Variants in TNFRSF8 observed in about 807,000 individuals in gnomAD.
TNFRSF8 encodes the protein tumor necrosis factor receptor superfamily member 8.
A neutral mutation model predicts 70.8 loss-of-function variants in TNFRSF8; 26 were observed. That is an observed-to-expected ratio of 0.37 (90% CI 0.27 to 0.51). The LOEUF (loss-of-function observed/expected upper bound fraction) is 0.51. Among genes scored for constraint, TNFRSF8 ranks in the 20% least tolerant of loss-of-function variants. TNFRSF8 has a pLI of 0.94. For synonymous variants in TNFRSF8, 356 were observed against 339.2 expected, an observed-to-expected ratio of 1.05 and a Z score of -0.54; for missense variants, 720 against 807.9, an observed-to-expected ratio of 0.89 and a Z score of 1.32.
At chr1:12,105,573 T>TCACACACA (rs34007480) in intron 4 of TNFRSF8, among the ~76,000 whole-genome samples, 1,543 of 147,446 alleles carry the variant, frequency 0.01, 14 homozygotes, top group Non-Finnish European at 0.014. Flanking sequence ...TCTCTCTGTC[T>TCACACACA]CACACACACA....
rs186100653 is a variant in TNFRSF8, at chr1:12,070,320, G to A, written c.63+6659G>A. ...GGCTGGAGTGCAGTGGTGTGATCTC[G>A]GCTCACTGCAAGCTTCGCCTCCCAG... On this transcript the variant is annotated intron_variant, in intron 1 of 14. Transcript: ENST00000263932. Among the ~76,000 whole-genome samples, 657 of 151,468 alleles carry A rather than the reference G, an allele frequency of 4.3e-3. 5 individuals are homozygous for A. The highest frequency in any genetic ancestry group is 3.0e-3 in the Non-Finnish European group (204 of 67,812).
Position 12,119,005 on chromosome 1 carries a change from C to T in TNFRSF8, c.946+3276C>T, listed in dbSNP as rs1254184088. On this transcript the variant is annotated intron_variant, in intron 8 of 14. Coordinates refer to ENST00000263932, the MANE Select transcript of TNFRSF8 (RefSeq NM_001243.5). The surrounding 1 kb of genome is among the most constrained non-coding windows in gnomAD (Gnocchi z 4.4). Reference sequence around the variant, plus strand: ...TCAGCCTCCTGAGTAGCTGGGATTACAGGCACGCGCCACCACGCCTGGCTA... The same window carrying T: ...TCAGCCTCCTGAGTAGCTGGGATTATAGGCACGCGCCACCACGCCTGGCTA... Among the ~76,000 whole-genome samples, 1 of 152,192 alleles carries T rather than the reference C, an allele frequency of 6.6e-6. No homozygotes were observed. Among genetic ancestry groups the T allele is most frequent in the African/African-American group, 2.4e-5 (1 of 41,436 alleles).
At chr1:12,071,806 A>G (rs1262689506) in intron 1 of TNFRSF8, among the ~76,000 whole-genome samples, 4 of 152,130 alleles carry the variant, frequency 2.6e-5, no homozygotes, top group African/African-American at 9.6e-5. Flanking sequence ...CAAGTGATCC[A>G]CCTGCCTTGG....
chr1:12,142,146 G>A lies in TNFRSF8; in HGVS notation c.1544-141G>A. The A allele has an allele frequency of 8.3e-7, 1 of 1,210,444 alleles. No homozygotes were observed. The highest frequency in any genetic ancestry group is 1.1e-6 in the Non-Finnish European group (1 of 882,978). The allele number at this position is 1,210,444 out of a possible 1,614,324, so 75.0% of individuals were successfully genotyped here. ...TCTGAGCCCCCAGGATGCCTGTAAG[G>A]TACATCAGAGAGGCTGTGCCATCAG... is the stretch of plus-strand genomic sequence containing the variant. On this transcript the variant is annotated intron_variant, in intron 14 of 14. Coordinates refer to ENST00000263932, the MANE Select transcript of TNFRSF8 (RefSeq NM_001243.5). The surrounding 1 kb of genome is among the most constrained non-coding windows in gnomAD (Gnocchi z 5.0).
intron 10 of TNFRSF8, among the ~76,000 whole-genome samples, chr1:12,125,258 G>A (rs1009022327): frequency 1.5e-4 from 23 of 152,200 alleles, no homozygotes; most frequent in African/African-American, 5.5e-4. Flanking sequence ...GTTTAGTACC[G>A]AGGTGTGAAG....
Position 12,142,223 on chromosome 1 carries a change from C to G in TNFRSF8, c.1544-64C>G. On this transcript the variant is annotated intron_variant, in intron 14 of 14. Coordinates refer to ENST00000263932, the MANE Select transcript of TNFRSF8 (RefSeq NM_001243.5). The surrounding 1 kb of genome is among the most constrained non-coding windows in gnomAD (Gnocchi z 5.0). The stretch of plus-strand genomic sequence containing the variant: ...GCACTGGGCCTCGGCCCTTCTCTGC[C>G]TCTTTGCTCCCATCCTGGCTGGTGC... 1 of 1,490,782 alleles carries G rather than the reference C, an allele frequency of 6.7e-7. No individual in the cohort carries two copies. The highest frequency in any genetic ancestry group is 9.0e-7 in the Non-Finnish European group (1 of 1,114,934). The allele number at this position is 1,490,782 out of a possible 1,614,324, so 92.3% of individuals were successfully genotyped here. A position where few individuals can be genotyped will look rare whatever the true frequency, so the allele number is the denominator to read the frequency against.
intron 1 of TNFRSF8, among the ~76,000 whole-genome samples, chr1:12,081,789 C>T (rs1266855740): frequency 1.3e-5 from 2 of 152,186 alleles, no homozygotes; most frequent in African/African-American, 4.8e-5. Context: ...TCAGGCAGCC[C>T]TTTAGGCCAG....
intron 2 of TNFRSF8, among the ~76,000 whole-genome samples, chr1:12,092,053 G>C (rs1047097097): frequency 2.0e-5 from 3 of 152,170 alleles, no homozygotes; most frequent in Non-Finnish European, 4.4e-5. Flanking sequence ...CTGGTCCCCG[G>C]CTGGGGACTG....
intron 14 of TNFRSF8, among the ~76,000 whole-genome samples, chr1:12,140,664 G>A (rs1273801678): frequency 1.3e-5 from 2 of 152,162 alleles, no homozygotes; most frequent in Non-Finnish European, 2.9e-5. Context: ...CTCACCCAGA[G>A]CAGCCAATTC....
intron 8 of TNFRSF8, among the ~76,000 whole-genome samples, 192 bp downstream of exon 8, chr1:12,115,921 G>A (rs1022909116): frequency 1.3e-5 from 2 of 152,148 alleles, no homozygotes; most frequent in African/African-American, 4.8e-5. Flanking sequence ...TCCAGTTTTA[G>A]CATTTTGGCA....
chr1:12,125,936 G>T lies in TNFRSF8; in HGVS notation c.1154-15G>T. 6.2e-7 allele frequency: 1 copy of T among 1,610,048 alleles called. No individual in the cohort carries two copies. The highest frequency in any genetic ancestry group is 2.2e-5 in the East Asian group (1 of 44,862). ...TGCAGCAAGGCAAAGAGTGTGGGGC[G>T]TCTCTGTGTTCCAGGGCCAGTGCTC... is the stretch of plus-strand genomic sequence containing the variant. On this transcript the variant is annotated splice_polypyrimidine_tract_variant and intron_variant, in intron 10 of 14. Coordinates refer to ENST00000263932, the MANE Select transcript of TNFRSF8 (RefSeq NM_001243.5).
intron 8 of TNFRSF8, among the ~76,000 whole-genome samples, chr1:12,121,912 CT>C (rs1456519287): frequency 6.6e-6 from 1 of 152,218 alleles, no homozygotes; most frequent in Non-Finnish European, 1.5e-5. Context: ...AGGAATGAAG[CT>C]GAATGAATAT....
chr1:12,107,804 C>T (rs149229167), intron 4 of TNFRSF8, among the ~76,000 whole-genome samples: 1 of 152,166 alleles, frequency 6.6e-6, no homozygotes, highest in African/African-American at 2.4e-5. Context: ...GTTTCTGCCT[C>T]CAGTCAGCCA....
At position 12,142,731 on chromosome 1, in the gene TNFRSF8, G is replaced by A. The variant is rs181501926; in HGVS notation, c.*200G>A. ...CAACTTAGCTGTCCCCTGACCCAGA[G>A]CCTAGGGGATCCGGGGCTTGTACAG... On this transcript the variant is annotated 3_prime_UTR_variant, in exon 15 of 15. Coordinates refer to ENST00000263932, the MANE Select transcript of TNFRSF8 (RefSeq NM_001243.5). The surrounding 1 kb of genome is among the most constrained non-coding windows in gnomAD (Gnocchi z 5.0). 4.2e-4 allele frequency: 277 copies of A among 666,622 alleles called. 2 individuals are homozygous for A. Among genetic ancestry groups the A allele is most frequent in the African/African-American group, 4.1e-3 (229 of 55,274 alleles). 41.3% of individuals were successfully genotyped at this position (666,622 alleles called of 1,614,324 possible).
At chr1:12,123,417 G>GGACAGCTCCCTCCTGC in intron 9 of TNFRSF8, 40 bp downstream of exon 9, 2 of 1,554,660 alleles carry the variant, frequency 1.3e-6, no homozygotes, top group Non-Finnish European at 1.7e-6. Flanking sequence ...GCTGCTGCAG[G>GGACAGCTCCCTCCTGC]AGGGAGCTGT....
chr1:12,109,976 G>A lies in TNFRSF8; in HGVS notation c.513-65G>A, dbSNP rs915957437. The A allele has an allele frequency of 1.9e-5, 29 of 1,564,568 alleles. No individual in the cohort carries two copies. In the Middle Eastern group the frequency reaches 8.2e-4, roughly 44 times the overall value. On this transcript the variant is annotated intron_variant, in intron 5 of 14. Coordinates refer to ENST00000263932, the MANE Select transcript of TNFRSF8 (RefSeq NM_001243.5). This position sits in a 1 kb window ranked among gnomAD's most constrained non-coding sequence, Gnocchi z 4.4. ...CCCATCTCTGTGGAAACTGTTACTC[G>A]TGAGCACAGGCCTCCCTTGCCCCAT...
Position 12,084,467 on chromosome 1 carries a change from C to T in TNFRSF8, c.67C>T (p.Arg23Ter), listed in dbSNP as rs868408646. ...LGALRAFPQD[R>*]PFEDTCHGNP... ...ACCAGCTTTTCTGACCTGCCAGGAT[C>T]GACCCTTCGAGGACACCTGTCATGG... The change falls in exon 2 of 15, where the codon CGA (arginine) becomes TGA (stop). Residue 23 changes from arginine (R) to a stop codon, truncating the protein, a stop_gained. Coordinates refer to ENST00000263932, the MANE Select transcript of TNFRSF8 (RefSeq NM_001243.5). LOFTEE classifies it high-confidence loss of function. The T allele has an allele frequency of 2.5e-6, 4 of 1,613,924 alleles. No homozygotes were observed. Among genetic ancestry groups the T allele is most frequent in the Non-Finnish European group, 2.5e-6 (3 of 1,179,946 alleles).
intron 12 of TNFRSF8, among the ~76,000 whole-genome samples, chr1:12,130,607 C>A (rs1280651160): frequency 6.6e-6 from 1 of 152,200 alleles, no homozygotes; most frequent in Non-Finnish European, 1.5e-5. Flanking sequence ...GGGGAGGGGA[C>A]TAAAAGTGGA....
At position 12,126,002 on chromosome 1, in the gene TNFRSF8, G is replaced by A; in HGVS notation, c.1205G>A (p.Ser402Asn). 1 of 1,613,928 alleles carries A rather than the reference G, an allele frequency of 6.2e-7. No individual in the cohort carries two copies. Among genetic ancestry groups the A allele is most frequent in the Middle Eastern group, 1.6e-4 (1 of 6,062 alleles). The change falls in exon 11 of 15, where the codon AGC becomes AAC. Residue 402 changes from serine to asparagine, a missense_variant. By Grantham distance (46) the Ser-to-Asn change is conservative. Coordinates refer to ENST00000263932, the MANE Select transcript of TNFRSF8 (RefSeq NM_001243.5). Reference sequence around the variant, plus strand: ...GTGTTGGTTGTGGTGGTCGGCTCCAGCGCCTTCCTCCTGTGCCACCGGAGG... The same window carrying A: ...GTGTTGGTTGTGGTGGTCGGCTCCAACGCCTTCCTCCTGTGCCACCGGAGG... ...ILVLVVVVGS[S>N]AFLLCHRRAC...
Sources: gnomAD v4.1 joint callset for allele counts (sites outside exome capture counted in the v4.1 genomes callset) on GRCh38, gnomAD v4.1.1 for gene constraint, Gnocchi (gnomAD v3.1) non-coding constraint, MANE v1.5 for transcripts, NCBI Gene and HGNC (gene_info 2026-07-23, HGNC 2026-07-21) for gene names.